The following FAXDC2 variants were observed in gnomAD, a reference collection of about 807,000 sequenced individuals.
FAXDC2 encodes fatty acid hydroxylase domain containing 2, also known as fatty acid hydroxylase domain-containing protein 2.
FAXDC2 carries 41 observed loss-of-function variants against 40.9 expected under a neutral mutation model. The ratio of observed to expected loss-of-function variants is 1.00; its 90% CI spans 0.78 to 1.30. The LOEUF is 1.30. FAXDC2 is among the 50% of genes most tolerant of loss of function. The pLI, the probability that FAXDC2 is intolerant of heterozygous loss-of-function variation, is 0.00. For synonymous variants in FAXDC2, 157 were observed against 149.3 expected, an observed-to-expected ratio of 1.05 and a Z score of -0.38; for missense variants, 390 against 408.8, an observed-to-expected ratio of 0.95 and a Z score of 0.40.
chr5:154,825,024 C>T (rs1444110963), intron 5 of FAXDC2, among the ~76,000 whole-genome samples: 3 of 141,278 alleles, frequency 2.1e-5, no homozygotes, highest in Non-Finnish European at 3.0e-5. Flanking sequence ...TTAAGGCACA[C>T]CAGCCTGCGT....
intron 4 of FAXDC2, among the ~76,000 whole-genome samples, chr5:154,834,099 ATTAT>A (rs1760261452): frequency 1.3e-5 from 2 of 149,318 alleles, no homozygotes; most frequent in East Asian, 1.9e-4. Context: ...GTATATAATT[ATTAT>A]TTGAGTGAAT....
chr5:154,823,827 G>A (rs1759950107), intron 5 of FAXDC2: 1 of 520,732 alleles, frequency 1.9e-6, no homozygotes, highest in African/African-American at 1.9e-5. Flanking sequence ...CCTTCAGTCT[G>A]TGTCGGAACC....
intron 1 of FAXDC2, among the ~76,000 whole-genome samples, chr5:154,848,186 A>G (rs1264869920): frequency 1.3e-5 from 2 of 152,154 alleles, no homozygotes; most frequent in African/African-American, 4.8e-5. Flanking sequence ...CCTTTATGTG[A>G]ATGTGTATTG....
Position 154,840,492 on chromosome 5 carries a change from G to A in FAXDC2, c.1-2314C>T, listed in dbSNP as rs150718820. Among the ~76,000 whole-genome samples, 753 of 152,124 alleles carry A rather than the reference G, an allele frequency of 4.9e-3. 4 individuals carry two copies. Among genetic ancestry groups the A allele is most frequent in the Non-Finnish European group, 6.9e-3 (467 of 68,004 alleles). ...TCCTGCCTCAGCCTTCTGAGTAGCTGGGACTACAGGTGTACACCACCATGC... is the reference window on the plus strand; with the variant it reads ...TCCTGCCTCAGCCTTCTGAGTAGCTAGGACTACAGGTGTACACCACCATGC... On this transcript the variant is annotated intron_variant, in intron 1 of 8. Coordinates refer to ENST00000326080, the MANE Select transcript of FAXDC2 (RefSeq NM_032385.5).
At position 154,822,507 on chromosome 5, in the gene FAXDC2, C is replaced by G. The variant is rs755057180; in HGVS notation, c.643G>C (p.Val215Leu). The change falls in exon 7 of 9, where the codon GTG becomes CTG. Residue 215 changes from valine to leucine, a missense_variant. Physicochemically the swap from Val to Leu is conservative, Grantham distance 32. Transcript: ENST00000326080. ...KHHEWTAPIG[V>L]ISLYAHPIEH... ...ATAGGGTGGGCATAGAGAGAGATCA[C>G]GCCAATGGGAGCTGTCCACTCATGG... 15 of 1,614,010 alleles carry G rather than the reference C, an allele frequency of 9.3e-6. No homozygotes were observed. Among genetic ancestry groups the G allele is most frequent in the Non-Finnish European group, 1.3e-5 (15 of 1,179,926 alleles).
chr5:154,838,440 G>A (rs1582535893), intron 1 of FAXDC2: 1 of 458,698 alleles, frequency 2.2e-6, no homozygotes, highest in East Asian at 4.4e-5. Flanking sequence ...TACAAAAAAT[G>A]TATGATAATG....
Position 154,835,883 on chromosome 5 carries a change from CTTTTTTTTTTTTTTT to C in FAXDC2, c.49-964_49-950del, listed in dbSNP as rs869068025. Among the ~76,000 whole-genome samples the C allele has an allele frequency of 4.0e-4, 19 of 47,870 alleles. 1 individual carries two copies. Among genetic ancestry groups the C allele is most frequent in the Admixed American group, 1.2e-3 (4 of 3,338 alleles). 31.4% of individuals were successfully genotyped at this position (47,870 alleles called of 152,430 possible). On this transcript the variant is annotated intron_variant, in intron 2 of 8. Coordinates refer to ENST00000326080, the MANE Select transcript of FAXDC2 (RefSeq NM_032385.5). ...GGAGTGAGCCACCGCGCCCGGCCGA[CTTTTTTTTTTTTTTT>C]TTTTTTTTTTTTTTTGAGGCAGTGT...
chr5:154,826,748 G>T (rs1342141174), intron 5 of FAXDC2, among the ~76,000 whole-genome samples: 1 of 152,084 alleles, frequency 6.6e-6, no homozygotes, highest in Non-Finnish European at 1.5e-5. Flanking sequence ...GAGGTTTATA[G>T]AGAAAATGAG....
intron 2 of FAXDC2, 86 bp from the exon 3 acceptor site, chr5:154,835,020 T>C: frequency 1.2e-6 from 1 of 852,056 alleles, no homozygotes; most frequent in Non-Finnish European, 1.9e-6. Context: ...GGGAGTGCTG[T>C]AGGATCAGCA....
chr5:154,834,973 T>C, intron 2 of FAXDC2, 39 bp from the exon 3 acceptor site: 1 of 1,345,556 alleles, frequency 7.4e-7, no homozygotes, highest in South Asian at 1.2e-5. Flanking sequence ...CCAGCAAGCC[T>C]CCTGCCTTTA....
rs114351620 is a variant in FAXDC2 at position 154,828,827 on chromosome 5, C to T, written c.366+1974G>A. ...TGTTGCCCAGGCTGGTCTTGAACTCCTAGCATCAAGCGATCCTCCTGTCTC... is the reference window on the plus strand; with the variant it reads ...TGTTGCCCAGGCTGGTCTTGAACTCTTAGCATCAAGCGATCCTCCTGTCTC... On this transcript the variant is annotated intron_variant, in intron 5 of 8. Transcript: ENST00000326080. Among the ~76,000 whole-genome samples, 272 of 151,858 alleles carry T rather than the reference C, an allele frequency of 1.8e-3. 2 individuals carry two copies. Among genetic ancestry groups the T allele is most frequent in the African/African-American group, 6.2e-3 (258 of 41,422 alleles).
intron 5 of FAXDC2, chr5:154,830,450 C>A: frequency 4.9e-6 from 1 of 204,312 alleles, no homozygotes; most frequent in Non-Finnish European, 1.0e-5. Flanking sequence ...CAGCTGTTAC[C>A]CATATTCTAG....
rs373941639 is a variant in FAXDC2 at position 154,823,401 on chromosome 5, G to A, written c.558C>T (p.Phe186=). The stretch of plus-strand genomic sequence containing the variant: ...GGCCTGCTCACCGGTGTGAATAGTA[G>A]AACAAGACTTCCTCGATCAGCGTGA... ...AIFTLIEEVL[F]YYSHRLLHHP... is the part of the protein sequence containing the mutation. Residue 186 remains phenylalanine (F), a synonymous_variant, in exon 6 of 9, where the codon TTC becomes TTT. Transcript: ENST00000326080. 72 of 1,613,444 alleles carry A rather than the reference G, an allele frequency of 4.5e-5. No individual in the cohort carries two copies. Among genetic ancestry groups the A allele is most frequent in the Non-Finnish European group, 5.8e-5 (69 of 1,180,006 alleles).
Position 154,830,610 on chromosome 5 carries a change from C to T in FAXDC2, c.366+191G>A, listed in dbSNP as rs189027243. ...GACCAGAACACTGGTCTTGACTGGC[C>T]ACTAGCTGAGTGACTCTGAGGTTGT... is the stretch of plus-strand genomic sequence containing the variant. On this transcript the variant is annotated intron_variant, in intron 5 of 8. Transcript: ENST00000326080. 7.8e-4 allele frequency: 432 copies of T among 551,508 alleles called. 1 individual carries two copies. The highest frequency in any genetic ancestry group is 5.9e-3 in the East Asian group (183 of 31,276). The allele number at this position is 551,508 out of a possible 1,614,324, so 34.2% of individuals were successfully genotyped here.
chr5:154,838,253 C>A, intron 1 of FAXDC2, 75 bp from the exon 2 acceptor site: 8 of 1,317,800 alleles, frequency 6.1e-6, no homozygotes, highest in South Asian at 2.5e-5. Flanking sequence ...TGGAGAAAGT[C>A]AAAGTGTATG....
At chr5:154,849,915 G>A (rs1031417154) in intron 1 of FAXDC2, among the ~76,000 whole-genome samples, 1 of 152,158 alleles carries the variant, frequency 6.6e-6, no homozygotes, top group Non-Finnish European at 1.5e-5. Context: ...TTCACAACTG[G>A]AGCCACTGTT....
intron 4 of FAXDC2, among the ~76,000 whole-genome samples, chr5:154,833,041 C>T (rs1020714312): frequency 1.7e-4 from 24 of 145,272 alleles, no homozygotes; most frequent in Non-Finnish European, 2.1e-4. Flanking sequence ...TTAAATACTT[C>T]TTTTTTTTTT....
intron 7 of FAXDC2, 81 bp from the exon 8 acceptor site, chr5:154,821,507 T>G: frequency 8.7e-7 from 1 of 1,155,730 alleles, no homozygotes; most frequent in Middle Eastern, 2.2e-4. Flanking sequence ...CCCAAGGTGG[T>G]ACCAGAGGCA....
intron 1 of FAXDC2, chr5:154,838,428 A>G (rs771134322): frequency 2.1e-6 from 1 of 483,572 alleles, no homozygotes; most frequent in Non-Finnish European, 3.6e-6. Flanking sequence ...AGGTCTACCA[A>G]CTACAAAAAA....
Sources: gnomAD v4.1 joint callset for allele counts (sites outside exome capture counted in the v4.1 genomes callset) on GRCh38, gnomAD v4.1.1 for gene constraint, MANE v1.5 for transcripts, NCBI Gene and HGNC (gene_info 2026-07-23, HGNC 2026-07-21) for gene names.